The following NRG1 variants were observed in gnomAD, a reference collection of about 807,000 sequenced individuals.
NRG1 encodes the protein neuregulin 1, also known as pro-neuregulin-1, membrane-bound isoform.
A neutral mutation model predicts 63.8 loss-of-function variants in NRG1; 18 were observed. That is an observed-to-expected ratio of 0.28 (90% confidence interval 0.19 to 0.42). NRG1 has a LOEUF of 0.42. Ranked by LOEUF, NRG1 falls within the 10% of genes least tolerant of loss-of-function variation. The pLI is 1.00. For missense variants in NRG1, 762 were observed against 814.7 expected, an observed-to-expected ratio of 0.94 and a Z score of 0.79; for synonymous variants, 302 against 301.3, an observed-to-expected ratio of 1.00 and a Z score of -0.02.
chr8:32,351,712 T>C (rs1198988542), intron 1 of NRG1, among the ~76,000 whole-genome samples: 1 of 152,114 alleles, frequency 6.6e-6, no homozygotes, highest in Non-Finnish European at 1.5e-5. Flanking sequence ...TTTTTAAATT[T>C]CCTCATGCTT....
In NRG1 at chr8:32,005,021, A is replaced by T. The variant is rs1813529261; in HGVS notation, c.37+365590A>T. ...TTGGTATGACCAATGAAAGGAAGAAAAGAAAAGAAGGAAAAAAAGAAAGGA... is the reference window on the plus strand; with the variant it reads ...TTGGTATGACCAATGAAAGGAAGAATAGAAAAGAAGGAAAAAAAGAAAGGA... On this transcript the variant is annotated intron_variant, in intron 1 of 10. Coordinates refer to the NRG1 transcript ENST00000519301. Among the ~76,000 whole-genome samples, 3 of 151,990 alleles carry T rather than the reference A, an allele frequency of 2.0e-5. No individual in the cohort carries two copies. The South Asian group carries it at 6.2e-4, about 31-fold the overall frequency.
intron 1 of NRG1, among the ~76,000 whole-genome samples, chr8:32,138,876 C>T (rs535633080): frequency 6.6e-6 from 1 of 152,196 alleles, no homozygotes; most frequent in African/African-American, 2.4e-5. Flanking sequence ...AGCAAGCTCA[C>T]AGCAATTTTT....
In NRG1 at chr8:31,952,725, C is replaced by T. The variant is rs534407277; in HGVS notation, c.37+313294C>T. Among the ~76,000 whole-genome samples the T allele has an allele frequency of 2.1e-3, 319 of 152,310 alleles. 1 individual carries two copies. The highest frequency in any genetic ancestry group is 7.2e-3 in the Admixed American group (110 of 15,306). On this transcript the variant is annotated intron_variant, in intron 1 of 10. Coordinates refer to the NRG1 transcript ENST00000519301. ...CTAATGAACAGGTGGCTGGTACATTCCTGGAGTTTTGCCCTTGTCAAACAC... is the reference window on the plus strand; with the variant it reads ...CTAATGAACAGGTGGCTGGTACATTTCTGGAGTTTTGCCCTTGTCAAACAC...
At chr8:32,445,076 T>C (rs1820073534) in intron 1 of NRG1, among the ~76,000 whole-genome samples, 1 of 152,152 alleles carries the variant, frequency 6.6e-6, no homozygotes, top group East Asian at 1.9e-4. Flanking sequence ...CGATACACTA[T>C]AGTTGTTCCT....
At chr8:31,864,394 T>C (rs960441356) in intron 1 of NRG1, among the ~76,000 whole-genome samples, 1 of 152,112 alleles carries the variant, frequency 6.6e-6, no homozygotes, top group Admixed American at 6.6e-5. Flanking sequence ...GGCAGCCAAC[T>C]GATGTGAAGA....
At chr8:32,012,981 G>T (rs1814984843) in intron 1 of NRG1, among the ~76,000 whole-genome samples, 1 of 152,060 alleles carries the variant, frequency 6.6e-6, no homozygotes, top group East Asian at 1.9e-4. Context: ...GAAATTGAAT[G>T]AGAAAGAGAT....
Position 32,517,080 on chromosome 8 carries a change from T to G in NRG1, c.38-78748T>G, listed in dbSNP as rs544356062. 5.3e-5 allele frequency among the ~76,000 whole-genome samples: 8 copies of G among 152,278 alleles called. No individual in the cohort carries two copies. In the South Asian group the frequency reaches 6.2e-4, roughly 12 times the overall value. On this transcript the variant is annotated intron_variant, in intron 1 of 10. Transcript: ENST00000519301. ...AGAATAAAATAAAATTTGGCTGAATTTATAGTTCTCCATCTGCCTGCTTGC... is the reference window on the plus strand; with the variant it reads ...AGAATAAAATAAAATTTGGCTGAATGTATAGTTCTCCATCTGCCTGCTTGC...
At chr8:32,277,724 C>T (rs1386476607) in intron 1 of NRG1, among the ~76,000 whole-genome samples, 1 of 152,148 alleles carries the variant, frequency 6.6e-6, no homozygotes, top group Non-Finnish European at 1.5e-5. Flanking sequence ...ATGCAGTTGG[C>T]AGAGGCCGGG....
intron 1 of NRG1, among the ~76,000 whole-genome samples, chr8:32,202,284 C>T (rs61561669): frequency 0.013 from 2,028 of 152,194 alleles, 54 homozygotes; most frequent in African/African-American, 0.046. Flanking sequence ...CCTAGTGAAA[C>T]GGGAGAGTTC....
intron 1 of NRG1, among the ~76,000 whole-genome samples, chr8:31,853,029 T>G (rs1029880611): frequency 2.0e-5 from 3 of 151,974 alleles, no homozygotes; most frequent in African/African-American, 7.2e-5. Flanking sequence ...TAGTATAGTT[T>G]GAAGTCAGGT....
At chr8:31,823,918 A>G (rs1318016025) in intron 1 of NRG1, among the ~76,000 whole-genome samples, 1 of 152,140 alleles carries the variant, frequency 6.6e-6, no homozygotes, top group Non-Finnish European at 1.5e-5. Context: ...TGAATACAAC[A>G]GCTATCTAAC....
chr8:31,696,102 C>T (rs1166953935), intron 1 of NRG1, among the ~76,000 whole-genome samples: 2 of 152,326 alleles, frequency 1.3e-5, no homozygotes, highest in Non-Finnish European at 2.9e-5. Flanking sequence ...AAGTCTTACT[C>T]TGTCGCCCAG....
intron 1 of NRG1, among the ~76,000 whole-genome samples, chr8:31,828,270 G>C (rs1033359680): frequency 1.3e-5 from 2 of 152,132 alleles, no homozygotes; most frequent in Non-Finnish European, 2.9e-5. Context: ...AATAATTGAC[G>C]ATGAGTGACT....
At chr8:31,919,253 ATG>A (rs1228439126) in intron 1 of NRG1, among the ~76,000 whole-genome samples, 1 of 151,938 alleles carries the variant, frequency 6.6e-6, no homozygotes, top group Non-Finnish European at 1.5e-5. Context: ...TAGCTTTTGA[ATG>A]TGTTTTCATC....
intron 5 of NRG1, among the ~76,000 whole-genome samples, chr8:32,660,705 G>A (rs1396579490): frequency 2.6e-5 from 4 of 152,242 alleles, no homozygotes; most frequent in African/African-American, 7.2e-5. Context: ...TCTGTGCCCC[G>A]ATTTTCTCAT....
At chr8:31,659,706 T>G (rs1282684854) in intron 1 of NRG1, among the ~76,000 whole-genome samples, 1 of 152,162 alleles carries the variant, frequency 6.6e-6, no homozygotes, top group African/African-American at 2.4e-5. Flanking sequence ...CTCAAATATT[T>G]TGGGCTCAGG....
intron 1 of NRG1, among the ~76,000 whole-genome samples, chr8:32,063,863 TA>T (rs1470317002): frequency 3.9e-5 from 6 of 152,120 alleles, no homozygotes; most frequent in Non-Finnish European, 7.4e-5. Flanking sequence ...TTGTGTTTAA[TA>T]AAACGCAAAC....
chr8:32,011,745 C>T (rs1814793665), intron 1 of NRG1, among the ~76,000 whole-genome samples: 1 of 152,086 alleles, frequency 6.6e-6, no homozygotes, highest in South Asian at 2.1e-4. Context: ...TGAGGCATGC[C>T]TGGTCTTTTC....
chr8:32,627,435 T>C (rs984034441), intron 5 of NRG1, among the ~76,000 whole-genome samples: 4 of 152,196 alleles, frequency 2.6e-5, no homozygotes, highest in Non-Finnish European at 5.9e-5. Context: ...GAGATACTTT[T>C]GTTTAGGCCA....
Sources: gnomAD v4.1 joint callset for allele counts (sites outside exome capture counted in the v4.1 genomes callset) on GRCh38, gnomAD v4.1.1 for gene constraint, MANE v1.5 for transcripts, NCBI Gene and HGNC (gene_info 2026-07-23, HGNC 2026-07-21) for gene names.